BEND7: variants seen among roughly 807,000 people sequenced by gnomAD.
The protein encoded by BEND7 is BEN domain containing 7.
A neutral mutation model predicts 50.9 loss-of-function variants in BEND7; 28 were observed. The observed-to-expected ratio is 0.55, with a 90% CI of 0.41 to 0.75. The LOEUF is 0.75. Among genes scored for constraint, BEND7 ranks in the 30% least tolerant of loss-of-function variants. The pLI, the probability that BEND7 is intolerant of heterozygous loss-of-function variation, is 0.00. For missense variants in BEND7, 477 were observed against 491.3 expected (o/e 0.97, Z 0.28); for synonymous variants, 170 against 183.9 (o/e 0.92, Z 0.61).
chr10:13,455,749 T>C (rs1838825753), intron 6 of BEND7, among the ~76,000 whole-genome samples: 1 of 151,992 alleles, frequency 6.6e-6, no homozygotes, highest in Non-Finnish European at 1.5e-5. Flanking sequence ...AAAGGGAAGA[T>C]GGTCGATTCA....
At chr10:13,491,260 T>C (rs1185827592) in intron 5 of BEND7, among the ~76,000 whole-genome samples, 1 of 138,874 alleles carries the variant, frequency 7.2e-6, no homozygotes, top group Non-Finnish European at 1.5e-5. Context: ...TTGCAGTGAG[T>C]GGAGATCATG....
At chr10:13,495,390 G>A (rs1019519200) in intron 4 of BEND7, among the ~76,000 whole-genome samples, 8 of 152,220 alleles carry the variant, frequency 5.3e-5, no homozygotes, top group South Asian at 4.1e-4. Flanking sequence ...AGCCCGGCGC[G>A]GTGGCTCACG....
intron 6 of BEND7, among the ~76,000 whole-genome samples, chr10:13,455,390 G>T (rs1351539190): frequency 6.6e-6 from 1 of 151,944 alleles, no homozygotes; most frequent in Non-Finnish European, 1.5e-5. Context: ...CCACTGAGTG[G>T]TTCTCATAAA....
chr10:13,439,613 T>C, downstream of BEND7: 1 of 1,006,324 alleles, frequency 9.9e-7, no homozygotes, highest in Non-Finnish European at 1.4e-6. Flanking sequence ...CCCCTCCTGG[T>C]TCGTCAGCCA....
intron 2 of BEND7, among the ~76,000 whole-genome samples, chr10:13,520,423 A>C (rs2079003322): frequency 6.6e-6 from 1 of 152,072 alleles, no homozygotes; most frequent in African/African-American, 2.4e-5. Context: ...CGGTTACATG[A>C]AAGCTGTGGA....
rs1410955676 is a variant in BEND7, at chr10:13,492,826, G to A, written c.622C>T (p.Arg208Ter). 1.9e-6 allele frequency: 3 copies of A among 1,607,526 alleles called. No homozygotes were observed. The highest frequency in any genetic ancestry group is 1.7e-5 in the Admixed American group (1 of 57,660). The change falls in exon 5 of 9, where the codon CGA becomes TGA. Residue 208 changes from arginine to a stop codon, truncating the protein, a stop_gained. Coordinates refer to ENST00000466271, the MANE Select transcript of BEND7 (RefSeq NM_001369863.1). LOFTEE classifies it high-confidence loss of function. ...QPPISLICSQ[R>*]TAVSRKRNKK... The stretch of plus-strand genomic sequence containing the variant: ...TTTCTCTTTCGTGAGACAGCAGTTC[G>A]CTGGGAGCATATAAGGGAAATTGGA...
chr10:13,463,611 T>C (rs1317452554), intron 6 of BEND7, among the ~76,000 whole-genome samples: 1 of 152,054 alleles, frequency 6.6e-6, no homozygotes, highest in African/African-American at 2.4e-5. Context: ...ATTAAAGACC[T>C]GATTATAAAA....
In BEND7 at chr10:13,528,608, G is replaced by A. The variant is rs2079570308; in HGVS notation, c.-75C>T. Reference sequence around the variant, plus strand: ...CAGCGGCAGCGGCGGCAGCGGCAGCGGCGGCGCGGGCTCGTGTCACCGCGG... The same window carrying A: ...CAGCGGCAGCGGCGGCAGCGGCAGCAGCGGCGCGGGCTCGTGTCACCGCGG... On this transcript the variant is annotated 5_prime_UTR_variant, in exon 1 of 9. Coordinates refer to ENST00000466271, the MANE Select transcript of BEND7 (RefSeq NM_001369863.1). 5 of 755,840 alleles carry A rather than the reference G, an allele frequency of 6.6e-6. No homozygotes were observed. Among genetic ancestry groups the A allele is most frequent in the African/African-American group, 2.4e-5 (1 of 41,194 alleles). The allele number at this position is 755,840 out of a possible 1,614,324, so 46.8% of individuals were successfully genotyped here.
rs1459902839 is a variant in BEND7 at position 13,499,662 on chromosome 10, C to G, written c.448+116G>C. On this transcript the variant is annotated intron_variant, in intron 3 of 8. Transcript: ENST00000466271. ...CTCCCTGTCTTTTAAAGTAACTCAG[C>G]AAAGGCAGGTAATTATGGGAGGGTT... 2.4e-6 allele frequency: 3 copies of G among 1,242,432 alleles called. No homozygotes were observed. The African/African-American group carries it at 4.5e-5, about 18-fold the overall frequency. 77.0% of individuals were successfully genotyped at this position (1,242,432 alleles called of 1,614,324 possible).
intron 3 of BEND7, among the ~76,000 whole-genome samples, chr10:13,498,195 C>A (rs946551284): frequency 1.3e-5 from 2 of 151,364 alleles, no homozygotes; most frequent in Non-Finnish European, 2.9e-5. Flanking sequence ...CATGCCTCAG[C>A]CCCCCAAGTA....
In BEND7 at chr10:13,472,816, G is replaced by A. The variant is rs183642242; in HGVS notation, c.1063+8083C>T. Among the ~76,000 whole-genome samples, 687 of 149,234 alleles carry A rather than the reference G, an allele frequency of 4.6e-3. 6 individuals are homozygous for A. The highest frequency in any genetic ancestry group is 0.016 in the African/African-American group (633 of 40,276). Reference sequence around the variant, plus strand: ...AGACTCGGGGTTGATACTCGTCATCGCTGTTAGACTCGGGGTTGATACCCG... The same window carrying A: ...AGACTCGGGGTTGATACTCGTCATCACTGTTAGACTCGGGGTTGATACCCG... On this transcript the variant is annotated intron_variant, in intron 6 of 8. Coordinates refer to ENST00000466271, the MANE Select transcript of BEND7 (RefSeq NM_001369863.1).
chr10:13,527,541 A>T (rs2079514209), intron 1 of BEND7, among the ~76,000 whole-genome samples: 1 of 152,176 alleles, frequency 6.6e-6, no homozygotes, highest in African/African-American at 2.4e-5. Flanking sequence ...GACAGAGGAA[A>T]AGTGGACAGG....
chr10:13,523,388 T>G (rs2079210233), intron 2 of BEND7, among the ~76,000 whole-genome samples: 1 of 152,236 alleles, frequency 6.6e-6, no homozygotes. Flanking sequence ...GTTAACAGCC[T>G]AAACATGTTC....
chr10:13,469,533 G>A (rs565767180), intron 6 of BEND7, among the ~76,000 whole-genome samples: 2 of 152,330 alleles, frequency 1.3e-5, no homozygotes, highest in African/African-American at 4.8e-5. Context: ...CTGGACTGCA[G>A]TGGCGTGATC....
intron 7 of BEND7, among the ~76,000 whole-genome samples, chr10:13,450,806 G>C (rs1837502878): frequency 6.6e-6 from 1 of 152,108 alleles, no homozygotes; most frequent in African/African-American, 2.4e-5. Flanking sequence ...GCTGTGGCTT[G>C]GGTCTCATCC....
In BEND7 at chr10:13,492,833, G is replaced by A. The variant is rs758706479; in HGVS notation, c.615C>T (p.Cys205=). The A allele has an allele frequency of 6.2e-7, 1 of 1,602,680 alleles. No individual in the cohort carries two copies. The highest frequency in any genetic ancestry group is 1.8e-5 in the Admixed American group (1 of 55,902). The change falls in exon 5 of 9, where the codon TGC becomes TGT. Residue 205 remains cysteine (C), a synonymous_variant. Coordinates refer to ENST00000466271, the MANE Select transcript of BEND7 (RefSeq NM_001369863.1). ...NRQQPPISLI[C]SQRTAVSRKR... is the part of the protein sequence containing the mutation. The stretch of plus-strand genomic sequence containing the variant: ...TTCGTGAGACAGCAGTTCGCTGGGA[G>A]CATATAAGGGAAATTGGAGGTTGTT...
At chr10:13,460,531 C>G (rs1213855795) in intron 6 of BEND7, among the ~76,000 whole-genome samples, 2 of 152,210 alleles carry the variant, frequency 1.3e-5, no homozygotes, top group Non-Finnish European at 2.9e-5. Flanking sequence ...TCCTGAGTAG[C>G]TGGGATGCCC....
At chr10:13,494,760 TAGACACAGCCCA>T (rs1212098674) in intron 4 of BEND7, among the ~76,000 whole-genome samples, 1 of 152,228 alleles carries the variant, frequency 6.6e-6, no homozygotes, top group Non-Finnish European at 1.5e-5. Flanking sequence ...TTTGCAAATC[TAGACACAGCCCA>T]AGTCTCTGGC....
At chr10:13,474,166 C>T (rs1291587281) in intron 6 of BEND7, among the ~76,000 whole-genome samples, 2 of 151,448 alleles carry the variant, frequency 1.3e-5, no homozygotes, top group African/African-American at 4.9e-5. Flanking sequence ...CATCTGTCAT[C>T]GCTGTTAGAT....
Sources: allele counts gnomAD v4.1 joint callset (sites outside exome capture counted in the v4.1 genomes callset), GRCh38; gene constraint gnomAD v4.1.1; transcripts MANE v1.5; gene names NCBI Gene and HGNC (gene_info 2026-07-23, HGNC 2026-07-21).